The following ZNF366 variants were observed in gnomAD, a reference collection of about 807,000 sequenced individuals.
ZNF366 encodes dendritic cell-specific transcript protein.
Under a neutral mutation model 47.2 loss-of-function variants are expected in ZNF366, and 20 were observed. The observed-to-expected ratio is 0.42, with a 90% confidence interval of 0.30 to 0.62. ZNF366 has a LOEUF of 0.62. Ranked by LOEUF, ZNF366 falls within the 20% of genes least tolerant of loss-of-function variation. The pLI, the probability that ZNF366 is intolerant of heterozygous loss-of-function variation, is 0.16. For missense variants in ZNF366, 987 were observed against 976.3 expected (o/e 1.01, Z -0.15); for synonymous variants, 421 against 395.1 (o/e 1.07, Z -0.78).
rs553260031 is a variant in ZNF366, at chr5:72,483,396, AC to A, written c.-14-21887del. On this transcript the variant is annotated intron_variant, in intron 1 of 4. Coordinates refer to ENST00000318442, the MANE Select transcript of ZNF366 (RefSeq NM_152625.3). ...CAACCCAGGGTAACAAGAGACCTAT[AC>A]CCACCACTGTGGTGGGTCCCAGATG... 3.9e-5 allele frequency among the ~76,000 whole-genome samples: 6 copies of A among 152,062 alleles called. No homozygotes were observed. In the South Asian group the frequency reaches 1.2e-3, roughly 32 times the overall value.
rs199798889 is a variant in ZNF366 at position 72,444,198 on chromosome 5, C to T, written c.1793G>A (p.Arg598Gln). ...EEPFDLSQKR[R>Q]AKVPVFQSDG... ...TGACTGGAACACCGGCACCTTGGCC[C>T]GGCGCTTCTGAGAGAGGTCAAAGGG... Residue 598 changes from arginine (R) to glutamine (Q), a missense_variant, in exon 5 of 5, where the codon CGG becomes CAG. Around this residue, in one of 3 missense-constraint regions of ZNF366, gnomAD observed 285 missense variants for 234.8 expected, o/e 1.21. Coordinates refer to ENST00000318442, the MANE Select transcript of ZNF366 (RefSeq NM_152625.3). 43 of 1,613,314 alleles carry T rather than the reference C, an allele frequency of 2.7e-5. No homozygotes were observed. Among genetic ancestry groups the T allele is most frequent in the Middle Eastern group, 1.6e-4 (1 of 6,082 alleles).
chr5:72,466,973 G>A (rs1335025042), intron 1 of ZNF366, among the ~76,000 whole-genome samples: 2 of 152,308 alleles, frequency 1.3e-5, no homozygotes, highest in East Asian at 1.9e-4. Flanking sequence ...ACAGATTCCT[G>A]AAAAGGCCGA....
chr5:72,501,177 TG>T (rs1410683203), intron 1 of ZNF366, among the ~76,000 whole-genome samples: 2 of 152,186 alleles, frequency 1.3e-5, no homozygotes, highest in African/African-American at 4.8e-5. Flanking sequence ...CCATAATTGT[TG>T]GCGCTGGTGG....
rs192570432 is a variant in ZNF366, at chr5:72,444,833, C to T, written c.1700-542G>A. Among the ~76,000 whole-genome samples, 600 of 152,194 alleles carry T rather than the reference C, an allele frequency of 3.9e-3. 2 individuals are homozygous for T. The highest frequency in any genetic ancestry group is 0.012 in the South Asian group (56 of 4,826). On this transcript the variant is annotated intron_variant, in intron 4 of 4. Coordinates refer to ENST00000318442, the MANE Select transcript of ZNF366 (RefSeq NM_152625.3). Reference sequence around the variant, plus strand: ...ATAGTGCAGACCTGATTTTATCTAGCTAGCCATTTCTATTAAAAAATATTT... The same window carrying T: ...ATAGTGCAGACCTGATTTTATCTAGTTAGCCATTTCTATTAAAAAATATTT...
intron 1 of ZNF366, among the ~76,000 whole-genome samples, chr5:72,466,377 CAT>C (rs1349484241): frequency 1.3e-5 from 2 of 152,202 alleles, no homozygotes; most frequent in African/African-American, 4.8e-5. Context: ...AGGCTGATCT[CAT>C]GAGCTATTTC....
chr5:72,505,250 T>C (rs947618980), intron 1 of ZNF366, among the ~76,000 whole-genome samples: 2 of 152,146 alleles, frequency 1.3e-5, no homozygotes, highest in African/African-American at 2.4e-5. Flanking sequence ...TCTTTGGCGG[T>C]GAGTGAGTAA....
At chr5:72,454,294 T>TCATTG (rs1472750157) in intron 3 of ZNF366, among the ~76,000 whole-genome samples, 1 of 152,230 alleles carries the variant, frequency 6.6e-6, no homozygotes, top group African/African-American at 2.4e-5. Context: ...CTGGGATTGC[T>TCATTG]CATTGCATCA....
intron 1 of ZNF366, among the ~76,000 whole-genome samples, chr5:72,506,114 A>G (rs548430071): frequency 2.2e-4 from 34 of 152,378 alleles, no homozygotes; most frequent in Non-Finnish European, 4.4e-4. Context: ...TTTTAAAATG[A>G]GAGTCCAGCT....
chr5:72,451,757 T>C (rs1743075115), intron 3 of ZNF366, among the ~76,000 whole-genome samples: 1 of 152,158 alleles, frequency 6.6e-6, no homozygotes, highest in African/African-American at 2.4e-5. Flanking sequence ...CTGCCCCAGG[T>C]CTAGGAAATG....
At chr5:72,457,799 T>C (rs1162702019) in intron 2 of ZNF366, among the ~76,000 whole-genome samples, 2 of 152,110 alleles carry the variant, frequency 1.3e-5, no homozygotes, top group African/African-American at 4.8e-5. Context: ...TCTTTCTAAC[T>C]CAAGCACTGT....
At chr5:72,448,706 G>C (rs567373620) in intron 3 of ZNF366, among the ~76,000 whole-genome samples, 3 of 152,150 alleles carry the variant, frequency 2.0e-5, no homozygotes, top group African/African-American at 7.2e-5. Flanking sequence ...ATATTTTTAG[G>C]GCCAATGCTG....
chr5:72,454,457 C>A (rs916635774), intron 3 of ZNF366, among the ~76,000 whole-genome samples: 2 of 152,086 alleles, frequency 1.3e-5, no homozygotes, highest in African/African-American at 2.4e-5. Context: ...CCACACACAA[C>A]CTACACTGGC....
At chr5:72,497,361 G>C (rs1472722823) in intron 1 of ZNF366, among the ~76,000 whole-genome samples, 1 of 152,048 alleles carries the variant, frequency 6.6e-6, no homozygotes, top group Non-Finnish European at 1.5e-5. Context: ...TTTTGTTATG[G>C]ATATGGAATC....
At chr5:72,495,062 A>G (rs1467009818) in intron 1 of ZNF366, among the ~76,000 whole-genome samples, 3 of 152,052 alleles carry the variant, frequency 2.0e-5, no homozygotes, top group Non-Finnish European at 4.4e-5. Context: ...AGTTTCCCTC[A>G]TTGATGTTGG....
intron 1 of ZNF366, among the ~76,000 whole-genome samples, chr5:72,473,720 C>G: frequency 6.6e-6 from 1 of 152,262 alleles, no homozygotes; most frequent in Middle Eastern, 3.4e-3. Context: ...TGACATTAAA[C>G]CCACTGATCC....
intron 2 of ZNF366, among the ~76,000 whole-genome samples, chr5:72,458,390 T>C (rs1489233031): frequency 6.6e-6 from 1 of 152,234 alleles, no homozygotes; most frequent in African/African-American, 2.4e-5. Context: ...GAGACGTTTC[T>C]GCTTATCACT....
intron 1 of ZNF366, among the ~76,000 whole-genome samples, chr5:72,488,998 C>T (rs932098890): frequency 6.6e-6 from 1 of 152,172 alleles, no homozygotes; most frequent in Non-Finnish European, 1.5e-5. Context: ...GCAGGCATGG[C>T]ACATGACTTG....
intron 2 of ZNF366, among the ~76,000 whole-genome samples, chr5:72,457,980 TAA>T (rs758953626): frequency 1.3e-5 from 2 of 151,884 alleles, no homozygotes; most frequent in Non-Finnish European, 2.9e-5. Context: ...AACATTTTCT[TAA>T]TGGATTTTAA....
At chr5:72,466,813 C>T (rs551701386) in intron 1 of ZNF366, among the ~76,000 whole-genome samples, 217 of 152,312 alleles carry the variant, frequency 1.4e-3, no homozygotes, top group African/African-American at 5.1e-3. Context: ...TTGATACACA[C>T]GCTTTGTGTG....
Sources: allele counts gnomAD v4.1 joint callset (sites outside exome capture counted in the v4.1 genomes callset), GRCh38; gene constraint gnomAD v4.1.1; regional missense constraint gnomAD v4.1.1; transcripts MANE v1.5; gene names NCBI Gene and HGNC (gene_info 2026-07-23, HGNC 2026-07-21).